Variants in ZNF107 observed in about 807,000 individuals in gnomAD.
ZNF107 encodes the protein zinc finger protein 107, also known as C2H2 type zinc-finger protein.
ZNF107 carries 19 observed loss-of-function variants against 12.3 expected under a neutral mutation model. That is an observed-to-expected ratio of 1.55 (90% CI 1.08 to 2.27). The LOEUF is 2.27. ZNF107 is among the 30% of genes most tolerant of loss of function. The pLI is 0.00. For synonymous variants in ZNF107, 317 were observed against 330.5 expected (o/e 0.96, Z 0.44); for missense variants, 958 against 979.9 (o/e 0.98, Z 0.30).
At chr7:64,686,766 T>A in intron 1 of ZNF107, 2 of 849,422 alleles carry the variant, frequency 2.4e-6, no homozygotes, top group Non-Finnish European at 2.8e-6. Context: ...AAAACCATGT[T>A]GTAATTTTCC....
At position 64,706,951 on chromosome 7, in the gene ZNF107, A is replaced by T. The variant is rs1356053154; in HGVS notation, c.854A>T (p.Tyr285Phe). The T allele has an allele frequency of 4.3e-6, 7 of 1,613,128 alleles. No individual in the cohort carries two copies. In the African/African-American group the frequency reaches 6.7e-5, roughly 15 times the overall value. ...HKIIHTGEKP[Y>F]KYEECGKVFS... ...ATAATTCATACTGGAGAAAAACCTT[A>T]CAAATATGAAGAATGTGGCAAAGTC... Residue 285 changes from tyrosine to phenylalanine, a missense_variant, in exon 4 of 4, where the codon TAC becomes TTC. Tyr to Phe is a conservative substitution (Grantham distance 22). Coordinates refer to ENST00000620827, the MANE Select transcript of ZNF107 (RefSeq NM_001282359.2).
At position 64,698,965 on chromosome 7, in the gene ZNF107, G is replaced by T. The variant is rs963462470; in HGVS notation, c.226+7005G>T. Among the ~76,000 whole-genome samples the T allele has an allele frequency of 3.9e-5, 6 of 152,084 alleles. No homozygotes were observed. In the South Asian group the frequency reaches 8.3e-4, roughly 21 times the overall value. ...ATCTTTTCCCTCTTTTGTACTCGTG[G>T]CAACTTTGTAGAAGATCATTTGATT... On this transcript the variant is annotated intron_variant, in intron 3 of 3. Transcript: ENST00000620827.
At chr7:64,690,237 A>C (rs1342603693) in intron 1 of ZNF107, 1 of 362,518 alleles carries the variant, frequency 2.8e-6, no homozygotes, top group African/African-American at 2.2e-5. Context: ...CTAAGAATAC[A>C]TATTTATCTT....
At chr7:64,705,909 A>G (rs1375260390) in intron 3 of ZNF107, among the ~76,000 whole-genome samples, 1 of 151,728 alleles carries the variant, frequency 6.6e-6, no homozygotes, top group Non-Finnish European at 1.5e-5. Context: ...CAATATCTGC[A>G]AAGGCACATA....
rs566594590 is a variant in ZNF107 at position 64,669,774 on chromosome 7, C to T, written c.3+3489C>T. Among the ~76,000 whole-genome samples the T allele has an allele frequency of 9.9e-5, 15 of 152,054 alleles. No individual in the cohort carries two copies. The South Asian group carries it at 1.0e-3, about 11-fold the overall frequency. ...CTGCACTCCAGGCTGGGCAACAGAG[C>T]GAGACTCTGTCTCAAAAAAAAAGAA... On this transcript the variant is annotated intron_variant, in intron 1 of 3. Coordinates refer to ENST00000620827, the MANE Select transcript of ZNF107 (RefSeq NM_001282359.2).
At chr7:64,669,388 A>G (rs1789135996) in intron 1 of ZNF107, among the ~76,000 whole-genome samples, 1 of 152,166 alleles carries the variant, frequency 6.6e-6, no homozygotes. Flanking sequence ...CCATATGACT[A>G]ATTGATTACT....
Position 64,707,143 on chromosome 7 carries a change from C to G in ZNF107, c.1046C>G (p.Ala349Gly), listed in dbSNP as rs891754414. ...KPYKCKECGR[A>G]FNISSNLNKQ... ...TACAAATGTAAAGAATGTGGCAGAG[C>G]TTTTAACATATCCTCAAACCTTAAT... The change falls in exon 4 of 4, where the codon GCT becomes GGT. Residue 349 changes from alanine (A) to glycine (G), a missense_variant. By Grantham distance (60) the Ala-to-Gly change is moderately conservative. Transcript: ENST00000620827. The G allele has an allele frequency of 6.2e-6, 10 of 1,613,472 alleles. No individual in the cohort carries two copies. The highest frequency in any genetic ancestry group is 1.3e-5 in the African/African-American group (1 of 74,876).
At position 64,709,060 on chromosome 7, in the gene ZNF107, G is replaced by C. The variant is rs994185422; in HGVS notation, c.*404G>C. ...GAGGAACTCTATAGTTGTGAAGAATGTGGCAAAGCTTTTAACCAATCCTCA... is the reference window on the plus strand; with the variant it reads ...GAGGAACTCTATAGTTGTGAAGAATCTGGCAAAGCTTTTAACCAATCCTCA... On this transcript the variant is annotated 3_prime_UTR_variant, in exon 4 of 4. Coordinates refer to ENST00000620827, the MANE Select transcript of ZNF107 (RefSeq NM_001282359.2). The C allele has an allele frequency of 2.2e-6, 1 of 460,690 alleles. No individual in the cohort carries two copies. Among genetic ancestry groups the C allele is most frequent in the Non-Finnish European group, 4.3e-6 (1 of 229,956 alleles). The allele number at this position is 460,690 out of a possible 1,614,324, so 28.5% of individuals were successfully genotyped here.
chr7:64,673,879 G>A (rs1789323847), intron 1 of ZNF107, among the ~76,000 whole-genome samples: 1 of 152,198 alleles, frequency 6.6e-6, no homozygotes, highest in Non-Finnish European at 1.5e-5. Flanking sequence ...AATGGCTGTA[G>A]GTGTGTGGCA....
At chr7:64,676,008 C>A (rs185078069) in intron 1 of ZNF107, among the ~76,000 whole-genome samples, 2 of 152,106 alleles carry the variant, frequency 1.3e-5, no homozygotes, top group African/African-American at 4.8e-5. Context: ...TGCACCACCA[C>A]GCCCGGCTAA....
intron 3 of ZNF107, among the ~76,000 whole-genome samples, chr7:64,698,687 C>A (rs1049730781): frequency 6.6e-6 from 1 of 152,172 alleles, no homozygotes; most frequent in African/African-American, 2.4e-5. Context: ...TCCCAAAGTG[C>A]TGGAATTACA....
intron 3 of ZNF107, among the ~76,000 whole-genome samples, chr7:64,703,656 T>C (rs1790545882): frequency 6.6e-6 from 1 of 152,138 alleles, no homozygotes; most frequent in Non-Finnish European, 1.5e-5. Context: ...CTTGAACTCC[T>C]GACCTCAGGT....
intron 3 of ZNF107, among the ~76,000 whole-genome samples, chr7:64,696,941 A>G (rs1010425175): frequency 6.6e-6 from 1 of 151,968 alleles, no homozygotes; most frequent in Non-Finnish European, 1.5e-5. Context: ...TACATTTGGT[A>G]TATCTCCTAA....
Position 64,709,577 on chromosome 7 carries a change from G to A in ZNF107, c.*921G>A. 2.5e-6 allele frequency: 1 copy of A among 397,152 alleles called. No individual in the cohort carries two copies. Among genetic ancestry groups the A allele is most frequent in the Non-Finnish European group, 4.8e-6 (1 of 207,332 alleles). 24.6% of individuals were successfully genotyped at this position (397,152 alleles called of 1,614,324 possible). On this transcript the variant is annotated 3_prime_UTR_variant, in exon 4 of 4. Transcript: ENST00000620827. ...AAGCCTTTAAATGGTTGTCACACTT[G>A]ATTGTAGGTAAGAATCCATACTGAA... is the stretch of plus-strand genomic sequence containing the variant.
chr7:64,677,506 A>G lies in ZNF107; in HGVS notation c.3+11221A>G, dbSNP rs1162099375. On this transcript the variant is annotated intron_variant, in intron 1 of 3. Coordinates refer to ENST00000620827, the MANE Select transcript of ZNF107 (RefSeq NM_001282359.2). ...TTTTTATAACACCTTTCTCTCTTCTATTTTTTTTTCTGATAACATTCTTTC... is the reference window on the plus strand; with the variant it reads ...TTTTTATAACACCTTTCTCTCTTCTGTTTTTTTTTCTGATAACATTCTTTC... Among the ~76,000 whole-genome samples the G allele has an allele frequency of 2.8e-5, 4 of 142,894 alleles. No individual in the cohort carries two copies. The Admixed American group carries it at 2.8e-4, about 10-fold the overall frequency. The allele number at this position is 142,894 out of a possible 152,430, so 93.7% of individuals were successfully genotyped here. A position where few individuals can be genotyped will look rare whatever the true frequency, so the allele number is the denominator to read the frequency against.
chr7:64,681,520 A>AC (rs2128959540), intron 1 of ZNF107, among the ~76,000 whole-genome samples: 1 of 151,384 alleles, frequency 6.6e-6, no homozygotes, highest in South Asian at 2.1e-4. Flanking sequence ...CCAACCCTTC[A>AC]CCATCCCCAC....
At chr7:64,672,052 C>G (rs1267944827) in intron 1 of ZNF107, among the ~76,000 whole-genome samples, 1 of 152,074 alleles carries the variant, frequency 6.6e-6, no homozygotes, top group Middle Eastern at 3.2e-3. Context: ...TCCCAAAGTG[C>G]TGGGATTACA....
In ZNF107 at chr7:64,706,756, A is replaced by G; in HGVS notation, c.659A>G (p.Lys220Arg). 6.2e-7 allele frequency: 1 copy of G among 1,613,198 alleles called. No homozygotes were observed. The change falls in exon 4 of 4, where the codon AAG (lysine) becomes AGG (arginine). Residue 220 changes from lysine to arginine, a missense_variant. By Grantham distance (26) the Lys-to-Arg change is conservative (BLOSUM62 2). Coordinates refer to ENST00000620827, the MANE Select transcript of ZNF107 (RefSeq NM_001282359.2). ...FNWFSTLTKH[K>R]RIHTGEKPYK... ...TGGTTCTCAACTCTTACTAAACATAAGAGAATTCATACTGGAGAAAAGCCC... is the reference window on the plus strand; with the variant it reads ...TGGTTCTCAACTCTTACTAAACATAGGAGAATTCATACTGGAGAAAAGCCC...
At chr7:64,682,199 A>G (rs1789707754) in intron 1 of ZNF107, among the ~76,000 whole-genome samples, 1 of 151,816 alleles carries the variant, frequency 6.6e-6, no homozygotes, top group Non-Finnish European at 1.5e-5. Flanking sequence ...AGGGTACCGA[A>G]TGTCCCCTTC....
Sources: gnomAD v4.1 joint callset for allele counts (sites outside exome capture counted in the v4.1 genomes callset) on GRCh38, gnomAD v4.1.1 for gene constraint, MANE v1.5 for transcripts, NCBI Gene and HGNC (gene_info 2026-07-23, HGNC 2026-07-21) for gene names.